SIN3B: variants seen among roughly 807,000 people sequenced by gnomAD.
SIN3B encodes SIN3 transcription regulator family member B.
Under a neutral mutation model 120.2 loss-of-function variants are expected in SIN3B, and 19 were observed. That is an observed-to-expected ratio of 0.16 (90% CI 0.11 to 0.23). SIN3B has a LOEUF of 0.23. Among genes scored for constraint, SIN3B ranks in the 10% least tolerant of loss-of-function variants. SIN3B has a pLI of 1.00. For missense variants in SIN3B, 1,073 were observed against 1,573.0 expected (o/e 0.68, Z 5.38); for synonymous variants, 654 against 653.2 (o/e 1.00, Z -0.02).
intron 8 of SIN3B, among the ~76,000 whole-genome samples, chr19:16,857,173 A>G (rs775263463): frequency 4.9e-4 from 74 of 152,332 alleles, no homozygotes; most frequent in Middle Eastern, 3.4e-3. Context: ...AAAATGTCAA[A>G]TCTTGGAAAA....
rs757210983 is a variant in SIN3B, at chr19:16,862,834, A to G, written c.1266+275A>G. 2.9e-6 allele frequency: 4 copies of G among 1,400,714 alleles called. No homozygotes were observed. The highest frequency in any genetic ancestry group is 4.1e-6 in the Non-Finnish European group (4 of 987,386). 86.8% of individuals were successfully genotyped at this position (1,400,714 alleles called of 1,614,324 possible). ...TATTTGACTTAGGTTTATTGCTGCC[A>G]TGATTCTGCTCTGTCCCGGGCTCAC... On this transcript the variant is annotated intron_variant, in intron 9 of 18. Coordinates refer to ENST00000248054, the MANE Select transcript of SIN3B (RefSeq NM_001297595.2). The surrounding 1 kb of genome is among the most constrained non-coding windows in gnomAD (Gnocchi z 4.7).
chr19:16,874,681 C>T lies in SIN3B; in HGVS notation c.2593-1374C>T, dbSNP rs540422400. 2.8e-5 allele frequency among the ~76,000 whole-genome samples: 4 copies of T among 142,620 alleles called. No homozygotes were observed. In the South Asian group the frequency reaches 9.2e-4, roughly 33 times the overall value. The allele number at this position is 142,620 out of a possible 152,430, so 93.6% of individuals were successfully genotyped here. On this transcript the variant is annotated intron_variant, in intron 14 of 18. Coordinates refer to ENST00000248054, the MANE Select transcript of SIN3B (RefSeq NM_001297595.2). ...TGGTTTGGTTTGGTTTTGGTTTGGT[C>T]TGATCTGGTCTGTTTGGTCTGGTTT...
chr19:16,843,325 C>T (rs971387935), intron 4 of SIN3B, among the ~76,000 whole-genome samples: 1 of 152,178 alleles, frequency 6.6e-6, no homozygotes, highest in Non-Finnish European at 1.5e-5. Flanking sequence ...AGTCAAGAAG[C>T]GGGATTCTTT....
Position 16,865,316 on chromosome 19 carries a change from C to CCA in SIN3B, c.1384-94_1384-93insCA, listed in dbSNP as rs1555742995. The CCA allele has an allele frequency of 7.1e-3, 3,872 of 542,972 alleles. 23 individuals are homozygous for CCA. The highest frequency in any genetic ancestry group is 8.8e-3 in the Non-Finnish European group (2,653 of 302,678). 33.6% of individuals were successfully genotyped at this position (542,972 alleles called of 1,614,324 possible). The stretch of plus-strand genomic sequence containing the variant: ...CTCTTAAATACACACACCCCCCCCC[C>CCA]AAAAAAATCCTCTGGTCTCTGAGGT... On this transcript the variant is annotated intron_variant, in intron 10 of 18. Transcript: ENST00000248054.
At chr19:16,854,965 G>A (rs1382686177) in intron 8 of SIN3B, 3 of 152,194 alleles carry the variant, frequency 2.0e-5, no homozygotes, top group African/African-American at 4.8e-5. Flanking sequence ...CCGTAGGAAC[G>A]TCATTCTTGT....
intron 17 of SIN3B, among the ~76,000 whole-genome samples, chr19:16,877,898 G>A (rs1007941507): frequency 7.2e-5 from 11 of 152,330 alleles, no homozygotes; most frequent in African/African-American, 2.6e-4. Context: ...GCCCGGACTG[G>A]AGGGAGACGC....
intron 8 of SIN3B, chr19:16,855,861 G>A (rs1971608451): frequency 6.6e-6 from 1 of 151,922 alleles, no homozygotes. Context: ...TTAGAGACCA[G>A]TCTGGGCAAC....
intron 6 of SIN3B, among the ~76,000 whole-genome samples, chr19:16,852,443 C>T (rs546562269): frequency 6.6e-6 from 1 of 152,284 alleles, no homozygotes; most frequent in East Asian, 1.9e-4. Context: ...GATGAGGTTT[C>T]ATCGTGTTGC....
chr19:16,850,549 A>G (rs534073783), intron 5 of SIN3B, among the ~76,000 whole-genome samples: 36 of 152,222 alleles, frequency 2.4e-4, no homozygotes, highest in Non-Finnish European at 5.0e-4. Flanking sequence ...GTTCAGATGC[A>G]CCATGACTTG....
chr19:16,846,223 G>A (rs1971476864), intron 4 of SIN3B: 1 of 152,044 alleles, frequency 6.6e-6, no homozygotes, highest in African/African-American at 2.4e-5. Flanking sequence ...GAAGGGTGGT[G>A]TTTTTTTTCC....
chr19:16,842,659 A>G (rs1971432772), intron 4 of SIN3B, among the ~76,000 whole-genome samples: 1 of 152,156 alleles, frequency 6.6e-6, no homozygotes, highest in Admixed American at 6.5e-5. Flanking sequence ...GCCCAGCACC[A>G]GGAGCTGGGG....
intron 10 of SIN3B, among the ~76,000 whole-genome samples, 186 bp downstream of exon 10, chr19:16,863,982 A>G (rs1045679961): frequency 2.6e-5 from 4 of 152,162 alleles, no homozygotes; most frequent in African/African-American, 9.7e-5. Context: ...ACCAGATGGC[A>G]CTTTTCTTTC....
At position 16,851,679 on chromosome 19, in the gene SIN3B, G is replaced by A. The variant is rs889315081; in HGVS notation, c.849+145G>A. ...TGTGAGGTTCACCGGCAGTGGGACC[G>A]TTGGAAGTCAGCTCTCCTCTAAGGT... On this transcript the variant is annotated intron_variant, in intron 6 of 18. Coordinates refer to ENST00000248054, the MANE Select transcript of SIN3B (RefSeq NM_001297595.2). The A allele has an allele frequency of 4.1e-5, 43 of 1,050,728 alleles. No individual in the cohort carries two copies. In the African/African-American group the frequency reaches 4.6e-4, roughly 11 times the overall value. The allele number at this position is 1,050,728 out of a possible 1,614,324, so 65.1% of individuals were successfully genotyped here. A position where few individuals can be genotyped will look rare whatever the true frequency, so the allele number is the denominator to read the frequency against.
chr19:16,841,823 A>G lies in SIN3B; in HGVS notation c.437A>G (p.Tyr146Cys). ...GAGGACTTCAAGCAGCAGGTGCCGT[A>G]TAAAGAGGACAAACCCCAGGTGCCC... ...GAEDFKQQVP[Y>C]KEDKPQVPLE... is the part of the protein sequence containing the mutation. The change falls in exon 4 of 19, where the codon TAT becomes TGT. Residue 146 changes from tyrosine to cysteine, a missense_variant. Tyr to Cys is a radical substitution (Grantham distance 194). Coordinates refer to ENST00000248054, the MANE Select transcript of SIN3B (RefSeq NM_001297595.2). 8 of 1,614,136 alleles carry G rather than the reference A, an allele frequency of 5.0e-6. No individual in the cohort carries two copies. The highest frequency in any genetic ancestry group is 2.2e-5 in the South Asian group (2 of 91,082).
intron 13 of SIN3B, 135 bp from the exon 14 acceptor site, chr19:16,871,094 T>G: frequency 9.3e-7 from 1 of 1,073,406 alleles, no homozygotes; most frequent in African/African-American, 1.6e-5. Flanking sequence ...GATTCCCACA[T>G]TTGCCCCAGG....
At chr19:16,851,960 T>C (rs1161001125) in intron 6 of SIN3B, among the ~76,000 whole-genome samples, 1 of 152,244 alleles carries the variant, frequency 6.6e-6, no homozygotes, top group Non-Finnish European at 1.5e-5. Context: ...GATTCCATTA[T>C]TCCTTGTGCA....
Position 16,831,564 on chromosome 19 carries a change from T to G in SIN3B, c.298T>G (p.Phe100Val). Residue 100 changes from phenylalanine (F) to valine (V), a missense_variant, in exon 3 of 19, where the codon TTC (phenylalanine) becomes GTC (valine). Around this residue, in one of 7 missense-constraint regions of SIN3B, gnomAD observed 395 missense variants for 528.0 expected, o/e 0.75. Coordinates refer to ENST00000248054, the MANE Select transcript of SIN3B (RefSeq NM_001297595.2). ...FHEHPDLIVGFNAFLPLGYRI... is the reference protein window; with the variant it reads ...FHEHPDLIVGVNAFLPLGYRI... ...CGAGCACCCTGACCTCATTGTTGGATTCAACGCTTTTCTTCCCCTCGGATA... is the reference window on the plus strand; with the variant it reads ...CGAGCACCCTGACCTCATTGTTGGAGTCAACGCTTTTCTTCCCCTCGGATA... 6.2e-7 allele frequency: 1 copy of G among 1,614,040 alleles called. No individual in the cohort carries two copies. The highest frequency in any genetic ancestry group is 1.1e-5 in the South Asian group (1 of 91,078).
intron 12 of SIN3B, among the ~76,000 whole-genome samples, chr19:16,868,090 C>T (rs1052963190): frequency 2.6e-5 from 4 of 152,150 alleles, no homozygotes; most frequent in Non-Finnish European, 5.9e-5. Flanking sequence ...ACGTGATTTA[C>T]AAAGCATGGT....
chr19:16,866,624 T>C (rs1260986791), intron 12 of SIN3B, 68 bp downstream of exon 12: 6 of 1,489,458 alleles, frequency 4.0e-6, no homozygotes, highest in Non-Finnish European at 5.6e-6. Flanking sequence ...GCCGGGTCTG[T>C]GCCTCTGTTT....
Sources: gnomAD v4.1 joint callset for allele counts (sites outside exome capture counted in the v4.1 genomes callset) on GRCh38, gnomAD v4.1.1 for gene constraint, gnomAD v4.1.1 regional missense constraint, Gnocchi (gnomAD v3.1) non-coding constraint, MANE v1.5 for transcripts, NCBI Gene and HGNC (gene_info 2026-07-23, HGNC 2026-07-21) for gene names.